Variants in ORC3 observed in about 807,000 individuals in gnomAD.
ORC3 encodes the protein homolog of latheo, Drosophila.
In ORC3, 78 loss-of-function variants were observed where a neutral mutation model predicts 100.7. The ratio of observed to expected loss-of-function variants is 0.77; its 90% CI spans 0.65 to 0.94. The LOEUF is 0.94. Among genes scored for constraint, ORC3 ranks in the 40% least tolerant of loss-of-function variants. The pLI is 0.00. For synonymous variants in ORC3, 295 were observed against 289.3 expected, an observed-to-expected ratio of 1.02 and a Z score of -0.20; for missense variants, 789 against 823.9, an observed-to-expected ratio of 0.96 and a Z score of 0.52.
chr6:87,674,921 CA>C, the ORC3 span, among the ~76,000 whole-genome samples: 1 of 150,116 alleles, frequency 6.7e-6, no homozygotes, highest in Non-Finnish European at 1.5e-5. Context: ...AAGAAACAAG[CA>C]AAATAGAAGT....
At chr6:87,646,497 T>TA (rs1768800309) in intron 13 of ORC3, among the ~76,000 whole-genome samples, 1 of 152,252 alleles carries the variant, frequency 6.6e-6, no homozygotes, top group South Asian at 2.1e-4. Flanking sequence ...TGGAAAGCAT[T>TA]GTCTCACTGT....
At chr6:87,675,344 C>G in the ORC3 span, 2 of 526,822 alleles carry the variant, frequency 3.8e-6, no homozygotes, top group Non-Finnish European at 6.8e-6. Flanking sequence ...ATATAAGAAG[C>G]CAAATTGTAA....
At chr6:87,599,217 C>T (rs771316336) in intron 2 of ORC3, among the ~76,000 whole-genome samples, 4 of 152,032 alleles carry the variant, frequency 2.6e-5, no homozygotes, top group Non-Finnish European at 5.9e-5. Flanking sequence ...TATTTTGATG[C>T]GGCATTATTC....
intron 1 of ORC3, among the ~76,000 whole-genome samples, chr6:87,591,658 G>A (rs559120591): frequency 6.6e-6 from 1 of 152,274 alleles, no homozygotes; most frequent in South Asian, 2.1e-4. Context: ...TCTGTATTGG[G>A]ATGAGACCTT....
rs146526621 is a variant in ORC3 at position 87,606,009 on chromosome 6, A to G, written c.415A>G (p.Lys139Glu). 22 of 1,537,908 alleles carry G rather than the reference A, an allele frequency of 1.4e-5. No homozygotes were observed. The African/African-American group carries it at 3.6e-4, about 25-fold the overall frequency. ...ACCATATGTAGTCTCATTGCAAGCT[A>G]AAGATTGTCCAGGTAAAAATATAAA... ...VTPYVVSLQA[K>E]DCPDMKHFLQ... The change falls in exon 5 of 20, where the codon AAA (lysine) becomes GAA (glutamate). Residue 139 changes from lysine (K) to glutamate (E), a missense_variant. This residue lies in a region of ORC3 where 399 missense variants were observed against 382.0 expected (regional missense o/e 1.04). Transcript: ENST00000392844.
chr6:87,591,651 G>T (rs537217406), intron 1 of ORC3, among the ~76,000 whole-genome samples: 1 of 152,314 alleles, frequency 6.6e-6, no homozygotes, highest in South Asian at 2.1e-4. Context: ...ACAAATGTCT[G>T]TATTGGGATG....
intron 9 of ORC3, 38 bp from the exon 10 acceptor site, chr6:87,621,316 A>T: frequency 1.4e-6 from 2 of 1,434,492 alleles, no homozygotes; most frequent in Non-Finnish European, 1.8e-6. Flanking sequence ...TTACTGCCAA[A>T]ATATAACAAA....
intron 8 of ORC3, among the ~76,000 whole-genome samples, chr6:87,614,557 G>A (rs1779020942): frequency 6.6e-6 from 1 of 152,032 alleles, no homozygotes; most frequent in African/African-American, 2.4e-5. Flanking sequence ...AAACTTTTAT[G>A]CCCTGCTTCC....
At position 87,606,016 on chromosome 6, in the gene ORC3, G is replaced by T. The variant is rs1444274705; in HGVS notation, c.422G>T (p.Cys141Phe). 6.7e-7 allele frequency: 1 copy of T among 1,494,856 alleles called. No individual in the cohort carries two copies. Among genetic ancestry groups the T allele is most frequent in the East Asian group, 2.3e-5 (1 of 42,920 alleles). The allele number at this position is 1,494,856 out of a possible 1,614,324, so 92.6% of individuals were successfully genotyped here. The change falls in exon 5 of 20, where the codon TGT becomes TTT. Residue 141 changes from cysteine to phenylalanine, a missense_variant. Cys to Phe is a radical substitution (Grantham distance 205). This residue lies in a region of ORC3 where 399 missense variants were observed against 382.0 expected (regional missense o/e 1.04). Transcript: ENST00000392844. ...PYVVSLQAKD[C>F]PDMKHFLQKL... ...GTAGTCTCATTGCAAGCTAAAGATTGTCCAGGTAAAAATATAAATGCCATA... is the reference window on the plus strand; with the variant it reads ...GTAGTCTCATTGCAAGCTAAAGATTTTCCAGGTAAAAATATAAATGCCATA...
chr6:87,606,007 C>G lies in ORC3; in HGVS notation c.413C>G (p.Ala138Gly). 2 of 1,549,138 alleles carry G rather than the reference C, an allele frequency of 1.3e-6. No homozygotes were observed. The highest frequency in any genetic ancestry group is 1.8e-6 in the Non-Finnish European group (2 of 1,140,424). ...NVTPYVVSLQ[A>G]KDCPDMKHFL... ...ACACCATATGTAGTCTCATTGCAAG[C>G]TAAAGATTGTCCAGGTAAAAATATA... The change falls in exon 5 of 20, where the codon GCT (alanine) becomes GGT (glycine). Residue 138 changes from alanine to glycine, a missense_variant. Ala to Gly is a moderately conservative substitution (Grantham distance 60). Around this residue, in one of 3 missense-constraint regions of ORC3, gnomAD observed 399 missense variants for 382.0 expected, o/e 1.04. Coordinates refer to ENST00000392844, the MANE Select transcript of ORC3 (RefSeq NM_012381.4).
intron 13 of ORC3, among the ~76,000 whole-genome samples, chr6:87,638,149 T>C (rs150054961): frequency 2.0e-3 from 305 of 152,274 alleles, no homozygotes; most frequent in African/African-American, 7.1e-3. Flanking sequence ...TTTGCTAAGC[T>C]GAGGTCAGAA....
At chr6:87,603,628 C>A (rs1778130391) in intron 4 of ORC3, 100 bp downstream of exon 4, 5 of 597,858 alleles carry the variant, frequency 8.4e-6, no homozygotes, top group South Asian at 4.8e-5. Flanking sequence ...TTTTGATGAG[C>A]CTATTTTGTC....
At chr6:87,617,321 G>T (rs1245810873) in intron 9 of ORC3, among the ~76,000 whole-genome samples, 1 of 152,076 alleles carries the variant, frequency 6.6e-6, no homozygotes, top group Non-Finnish European at 1.5e-5. Flanking sequence ...CATGATATAT[G>T]CTGTAACCTA....
At chr6:87,624,345 A>T (rs1490455804) in intron 11 of ORC3, among the ~76,000 whole-genome samples, 1 of 151,988 alleles carries the variant, frequency 6.6e-6, no homozygotes, top group Admixed American at 6.6e-5. Flanking sequence ...TTAGCCGGGC[A>T]TAGTGGTGCA....
intron 11 of ORC3, among the ~76,000 whole-genome samples, chr6:87,627,439 G>T (rs773535479): frequency 6.7e-6 from 1 of 150,322 alleles, no homozygotes; most frequent in Non-Finnish European, 1.5e-5. Context: ...GGGATTAGAG[G>T]CATGGGTCAC....
chr6:87,592,968 C>G (rs1304231596), intron 1 of ORC3, among the ~76,000 whole-genome samples: 1 of 151,962 alleles, frequency 6.6e-6, no homozygotes, highest in Non-Finnish European at 1.5e-5. Context: ...TGGTGGGCAC[C>G]TGTCATCCCA....
At chr6:87,630,111 A>G (rs1008194576) in intron 11 of ORC3, among the ~76,000 whole-genome samples, 4 of 152,210 alleles carry the variant, frequency 2.6e-5, no homozygotes, top group African/African-American at 9.6e-5. Flanking sequence ...ATCCAGCAAG[A>G]CAAAATATGG....
intron 9 of ORC3, among the ~76,000 whole-genome samples, 167 bp downstream of exon 9, chr6:87,616,594 A>G (rs941890285): frequency 1.3e-5 from 2 of 152,196 alleles, no homozygotes. Context: ...CCTTGCAGCA[A>G]ACTGTAGAGA....
intron 1 of ORC3, among the ~76,000 whole-genome samples, chr6:87,591,906 T>C (rs1489313205): frequency 6.6e-6 from 1 of 152,096 alleles, no homozygotes; most frequent in Non-Finnish European, 1.5e-5. Context: ...TAATTTTGTA[T>C]TTTTAGAAGA....
Sources: allele counts gnomAD v4.1 joint callset (sites outside exome capture counted in the v4.1 genomes callset), GRCh38; gene constraint gnomAD v4.1.1; regional missense constraint gnomAD v4.1.1; transcripts MANE v1.5; gene names NCBI Gene and HGNC (gene_info 2026-07-23, HGNC 2026-07-21).